SLC2A5: variants seen among roughly 807,000 people sequenced by gnomAD.
SLC2A5 encodes solute carrier family 2, facilitated glucose transporter member 5.
A neutral mutation model predicts 50.3 loss-of-function variants in SLC2A5; 56 were observed. The observed-to-expected ratio is 1.11, with a 90% CI of 0.90 to 1.39. The LOEUF (loss-of-function observed/expected upper bound fraction) is 1.39. SLC2A5 is among the 40% of genes most tolerant of loss of function. The probability of loss-of-function intolerance (pLI) is 0.00; values close to 1 mark genes in which losing one functional copy is unlikely to be tolerated. For missense variants in SLC2A5, 566 were observed against 650.1 expected (o/e 0.87, Z 1.41); for synonymous variants, 269 against 281.9 (o/e 0.95, Z 0.46).
chr1:9,061,874 C>T (rs573187671), intron 1 of SLC2A5, among the ~76,000 whole-genome samples: 103 of 152,282 alleles, frequency 6.8e-4, no homozygotes, highest in Middle Eastern at 3.4e-3. Flanking sequence ...TCCCTGACCG[C>T]TTTGATGGGA....
At position 9,039,960 on chromosome 1, in the gene SLC2A5, G is replaced by A. The variant is rs140582852; in HGVS notation, c.725C>T (p.Ser242Phe). ...GATCTCGGCCACCTCCCTGTCCACA[G>A]AGTCCCAGCCGCGCAGCGTCTGTAG... is the stretch of plus-strand genomic sequence containing the variant. ...KALQTLRGWDSVDREVAEIRQ... is the reference protein window; with the variant it reads ...KALQTLRGWDFVDREVAEIRQ... Residue 242 changes from serine to phenylalanine, a missense_variant, in exon 7 of 12, where the codon TCT becomes TTT. Ser to Phe is a radical substitution (Grantham distance 155). Transcript: ENST00000377424. The A allele has an allele frequency of 5.0e-6, 8 of 1,612,636 alleles. No homozygotes were observed. The highest frequency in any genetic ancestry group is 6.8e-6 in the Non-Finnish European group (8 of 1,179,556).
intron 2 of SLC2A5, among the ~76,000 whole-genome samples, chr1:9,083,407 A>G (rs1192010003): frequency 6.6e-6 from 1 of 152,260 alleles, no homozygotes; most frequent in Non-Finnish European, 1.5e-5. Flanking sequence ...CTGTTGAAAT[A>G]GCTGCAGAAG....
chr1:9,091,978 A>G (rs1471891137), upstream of SLC2A5, among the ~76,000 whole-genome samples: 1 of 152,202 alleles, frequency 6.6e-6, no homozygotes, highest in African/African-American at 2.4e-5. Flanking sequence ...CTATAACATT[A>G]TTCATTCCAG....
chr1:9,084,153 A>T (rs1018855794), intron 2 of SLC2A5, among the ~76,000 whole-genome samples: 1 of 152,146 alleles, frequency 6.6e-6, no homozygotes, highest in African/African-American at 2.4e-5. Flanking sequence ...AAAAAAAAAA[A>T]ATAATAATAA....
chr1:9,058,119 C>A, intron 2 of SLC2A5, 33 bp downstream of exon 2: 2 of 1,531,642 alleles, frequency 1.3e-6, no homozygotes, highest in African/African-American at 1.4e-5. Flanking sequence ...CTCCAAACGT[C>A]CTCCCCACAT....
intron 1 of SLC2A5, among the ~76,000 whole-genome samples, chr1:9,088,163 C>A (rs1642422650): frequency 6.6e-6 from 1 of 152,038 alleles, no homozygotes; most frequent in Admixed American, 6.5e-5. Flanking sequence ...TTCATGAAAT[C>A]CCTCTTCTTA....
At chr1:9,050,363 C>T (rs1286418235) in intron 3 of SLC2A5, among the ~76,000 whole-genome samples, 2 of 151,542 alleles carry the variant, frequency 1.3e-5, no homozygotes, top group African/African-American at 4.9e-5. Context: ...GAGGCTGAGG[C>T]GGGAGTATTG....
chr1:9,038,034 GA>G lies in SLC2A5; in HGVS notation c.1175-11del. 10 of 1,613,360 alleles carry G rather than the reference GA, an allele frequency of 6.2e-6. No individual in the cohort carries two copies. Among genetic ancestry groups the G allele is most frequent in the Non-Finnish European group, 8.5e-6 (10 of 1,179,870 alleles). Reference sequence around the variant, plus strand: ...AGCGCGGGTATGGGACCTGTAGGGGGAGGAGAGCAGCCTCCCTGAAGGCAGA... The same window carrying G: ...AGCGCGGGTATGGGACCTGTAGGGGGGGAGAGCAGCCTCCCTGAAGGCAGA... On this transcript the variant is annotated splice_polypyrimidine_tract_variant and intron_variant, in intron 10 of 11. Coordinates refer to ENST00000377424, the MANE Select transcript of SLC2A5 (RefSeq NM_003039.3).
intron 10 of SLC2A5, 85 bp downstream of exon 10, chr1:9,038,345 TC>T (rs1641191080): frequency 1.0e-6 from 1 of 986,306 alleles, no homozygotes; most frequent in South Asian, 1.3e-5. Flanking sequence ...GCATTGGCCA[TC>T]CCTGGTATCT....
intron 1 of SLC2A5, among the ~76,000 whole-genome samples, chr1:9,068,817 T>C (rs896312489): frequency 4.6e-5 from 7 of 152,220 alleles, no homozygotes; most frequent in African/African-American, 1.7e-4. Context: ...AAATGTGCAC[T>C]ATCCTTCCTC....
chr1:9,041,069 C>T (rs1297714509), intron 5 of SLC2A5: 3 of 257,692 alleles, frequency 1.2e-5, no homozygotes, highest in East Asian at 7.1e-5. Context: ...ACTTGGCTCA[C>T]GGTAAGCACT....
intron 1 of SLC2A5, among the ~76,000 whole-genome samples, chr1:9,067,905 G>A (rs904499370): frequency 1.3e-5 from 2 of 152,070 alleles, no homozygotes; most frequent in African/African-American, 2.4e-5. Context: ...TAACATTTAC[G>A]ATGGCCGGGC....
chr1:9,043,894 G>A (rs1641370335), intron 4 of SLC2A5, among the ~76,000 whole-genome samples: 1 of 151,610 alleles, frequency 6.6e-6, no homozygotes, highest in East Asian at 2.0e-4. Flanking sequence ...GCTAATTTTT[G>A]TATTTTTAGT....
rs1184345108 is a variant in SLC2A5 at position 9,036,245 on chromosome 1, C to T, written c.*1341G>A. ...CTGGTGTGCAGTGATGCAATCATGA[C>T]TCAGGGCAGCCTTGACCTCCCAGGC... On this transcript the variant is annotated 3_prime_UTR_variant, in exon 12 of 12. Transcript: ENST00000377424. 1 of 152,212 alleles carries T rather than the reference C, an allele frequency of 6.6e-6. No individual in the cohort carries two copies. Among genetic ancestry groups the T allele is most frequent in the Non-Finnish European group, 1.5e-5 (1 of 68,062 alleles). The allele number at this position is 152,212 out of a possible 1,614,324, so 9.4% of individuals were successfully genotyped here.
At position 9,069,558 on chromosome 1, in the gene SLC2A5, T is replaced by C. The variant is rs1415687551; in HGVS notation, c.-22A>G. On this transcript the variant is annotated 5_prime_UTR_variant, in exon 1 of 12. Transcript: ENST00000377424. ...CCATGCTTGCTCTGGAAGGGCAGAG[T>C]GCCGCTCACCTCCTTTTAGCCAAAG... 5.6e-6 allele frequency: 9 copies of C among 1,613,828 alleles called. No individual in the cohort carries two copies. In the African/African-American group the frequency reaches 8.0e-5, roughly 14 times the overall value.
chr1:9,039,342 C>G lies in SLC2A5; in HGVS notation c.996+210G>C, dbSNP rs200829260. On this transcript the variant is annotated intron_variant, in intron 8 of 11. Coordinates refer to ENST00000377424, the MANE Select transcript of SLC2A5 (RefSeq NM_003039.3). Reference sequence around the variant, plus strand: ...GCCTGGTCCAGGCACGCCTACATCCCGGTCAGGTGGTGGCCCCGGGCCCGG... The same window carrying G: ...GCCTGGTCCAGGCACGCCTACATCCGGGTCAGGTGGTGGCCCCGGGCCCGG... Among the ~76,000 whole-genome samples, 29 of 152,362 alleles carry G rather than the reference C, an allele frequency of 1.9e-4. No individual in the cohort carries two copies. In the East Asian group the frequency reaches 5.6e-3, roughly 29 times the overall value.
intron 3 of SLC2A5, among the ~76,000 whole-genome samples, chr1:9,055,642 G>A (rs1022018825): frequency 6.6e-6 from 1 of 152,120 alleles, no homozygotes; most frequent in African/African-American, 2.4e-5. Flanking sequence ...CTGGCCACAT[G>A]CAGTGTTTCA....
chr1:9,047,532 G>A, intron 4 of SLC2A5, 78 bp downstream of exon 4: 1 of 1,463,342 alleles, frequency 6.8e-7, no homozygotes, highest in Non-Finnish European at 9.4e-7. Flanking sequence ...ATCACAGATT[G>A]GTTCTAGTCC....
rs779629602 is a variant in SLC2A5 at position 9,041,886 on chromosome 1, T to A, written c.470A>T (p.Asn157Ile). 13 of 1,612,498 alleles carry A rather than the reference T, an allele frequency of 8.1e-6. No homozygotes were observed. The highest frequency in any genetic ancestry group is 2.2e-5 in the South Asian group (2 of 90,888). ...PMYLGELAPK[N>I]LRGALGVVPQ... ...CACCACCCCGAGAGCCCCCCGCAGG[T>A]TTTTAGGGGCCAGCTCCCCTAAGTA... The change falls in exon 5 of 12, where the codon AAC becomes ATC. Residue 157 changes from asparagine (N) to isoleucine (I), a missense_variant. Physicochemically the swap from Asn to Ile is moderately radical, Grantham distance 149. Transcript: ENST00000377424.
Sources: allele counts gnomAD v4.1 joint callset (sites outside exome capture counted in the v4.1 genomes callset), GRCh38; gene constraint gnomAD v4.1.1; transcripts MANE v1.5; gene names NCBI Gene and HGNC (gene_info 2026-07-23, HGNC 2026-07-21).